Variants in RAP1A observed in about 807,000 individuals in gnomAD.
RAP1A encodes the protein ras-related protein Rap-1A.
In RAP1A, 6 loss-of-function variants were observed where a neutral mutation model predicts 26.4. The observed-to-expected ratio is 0.23, with a 90% CI of 0.12 to 0.45. The LOEUF is 0.45. RAP1A is among the 20% of genes least tolerant of loss of function. The pLI, the probability that RAP1A is intolerant of heterozygous loss-of-function variation, is 0.99. For missense variants in RAP1A, 121 were observed against 217.2 expected, an observed-to-expected ratio of 0.56 and a Z score of 2.78; for synonymous variants, 73 against 79.4, an observed-to-expected ratio of 0.92 and a Z score of 0.43.
At chr1:111,570,726 A>C (rs1658032860) in intron 1 of RAP1A, among the ~76,000 whole-genome samples, 2 of 152,198 alleles carry the variant, frequency 1.3e-5, no homozygotes, top group Non-Finnish European at 2.9e-5. Flanking sequence ...GCAAACATGT[A>C]TGAAGAGAGA....
chr1:111,693,323 A>G (rs570849964), intron 2 of RAP1A, among the ~76,000 whole-genome samples: 2 of 152,278 alleles, frequency 1.3e-5, no homozygotes, highest in African/African-American at 2.4e-5. Context: ...GAGAGGGGAC[A>G]GAGAATGGGG....
At chr1:111,620,673 C>T (rs1200623319) in intron 1 of RAP1A, among the ~76,000 whole-genome samples, 5 of 152,202 alleles carry the variant, frequency 3.3e-5, no homozygotes. Flanking sequence ...CCGTAGCTTA[C>T]CATGTGTTCG....
chr1:111,710,162 C>T (rs918354842), intron 7 of RAP1A, among the ~76,000 whole-genome samples: 1 of 152,124 alleles, frequency 6.6e-6, no homozygotes, highest in Non-Finnish European at 1.5e-5. Context: ...TTAACTTGAC[C>T]CATTCCAGGA....
At chr1:111,622,167 C>T (rs1659231442) in intron 1 of RAP1A, among the ~76,000 whole-genome samples, 1 of 152,122 alleles carries the variant, frequency 6.6e-6, no homozygotes, top group Non-Finnish European at 1.5e-5. Context: ...CACTCTTGCC[C>T]CTCCACCCCA....
intron 1 of RAP1A, among the ~76,000 whole-genome samples, chr1:111,546,436 A>G (rs572014435): frequency 6.6e-6 from 1 of 152,196 alleles, no homozygotes; most frequent in African/African-American, 2.4e-5. Flanking sequence ...TTCCTCTCCC[A>G]GCCTTTGGGA....
intron 1 of RAP1A, among the ~76,000 whole-genome samples, chr1:111,624,264 ATATT>A (rs778760080): frequency 7.9e-5 from 12 of 152,224 alleles, no homozygotes; most frequent in Non-Finnish European, 1.5e-4. Context: ...TTAAACAAAA[ATATT>A]TAAGCTTTAG....
chr1:111,584,903 C>T (rs970213650), intron 1 of RAP1A, among the ~76,000 whole-genome samples: 7 of 152,176 alleles, frequency 4.6e-5, no homozygotes, highest in Admixed American at 4.6e-4. Flanking sequence ...AAAAATCTCA[C>T]TACAAGAGTC....
intron 1 of RAP1A, among the ~76,000 whole-genome samples, chr1:111,577,207 A>G (rs1422692735): frequency 6.6e-6 from 1 of 152,054 alleles, no homozygotes; most frequent in Non-Finnish European, 1.5e-5. Context: ...ATTTGAGACC[A>G]GCCTGGTCAA....
At position 111,602,284 on chromosome 1, in the gene RAP1A, G is replaced by A. The variant is rs191342038; in HGVS notation, c.-28+59775G>A. 9 of 152,260 alleles carry A rather than the reference G, an allele frequency of 5.9e-5. No individual in the cohort carries two copies. The East Asian group carries it at 1.5e-3, about 26-fold the overall frequency. The allele number at this position is 152,260 out of a possible 1,614,324, so 9.4% of individuals were successfully genotyped here. The stretch of plus-strand genomic sequence containing the variant: ...CAGCAGGATAACAGGAAAGAAAGAG[G>A]ATTTTGGAGTCAGGAAGCTCTGGCT... On this transcript the variant is annotated intron_variant, in intron 1 of 7. Transcript: ENST00000356415.
rs768440514 is a variant in RAP1A, at chr1:111,704,407, A to G, written c.389A>G (p.Gln130Arg). ...GATGAGCGAGTAGTTGGCAAAGAGC[A>G]GGGCCAGAATTTAGCAAGACAGTGG... ...LEDERVVGKEQGQNLARQWCN... is the reference protein window; with the variant it reads ...LEDERVVGKERGQNLARQWCN... Residue 130 changes from glutamine to arginine, a missense_variant, in exon 6 of 8, where the codon CAG (glutamine) becomes CGG (arginine). Physicochemically the swap from Gln to Arg is conservative, Grantham distance 43 (BLOSUM62 1). Coordinates refer to ENST00000369709, the MANE Select transcript of RAP1A (RefSeq NM_002884.4). The G allele has an allele frequency of 2.1e-5, 34 of 1,613,856 alleles. No homozygotes were observed. Among genetic ancestry groups the G allele is most frequent in the Non-Finnish European group, 2.8e-5 (33 of 1,179,914 alleles).
chr1:111,560,806 TGATC>T (rs1438812630), intron 1 of RAP1A, among the ~76,000 whole-genome samples: 2 of 152,272 alleles, frequency 1.3e-5, no homozygotes, highest in South Asian at 2.1e-4. Context: ...AAATAGTTCT[TGATC>T]GTCTTAGAGA....
intron 1 of RAP1A, among the ~76,000 whole-genome samples, chr1:111,582,254 G>A (rs1658271631): frequency 6.6e-6 from 1 of 152,148 alleles, no homozygotes. Context: ...TGAAATAAAT[G>A]GCACAGGGCA....
intron 1 of RAP1A, among the ~76,000 whole-genome samples, chr1:111,610,533 AACACACACACACACACACAC>A (rs71099922): frequency 9.9e-5 from 14 of 141,794 alleles, no homozygotes; most frequent in South Asian, 7.1e-4. Context: ...CCCTCCACCC[AACACACACACACACACACAC>A]ACACACACAC....
At chr1:111,548,002 C>G (rs188236798) in intron 1 of RAP1A, among the ~76,000 whole-genome samples, 1 of 152,262 alleles carries the variant, frequency 6.6e-6, no homozygotes, top group Non-Finnish European at 1.5e-5. Context: ...TTGACTGGAC[C>G]ACTTTTTTTG....
chr1:111,610,533 AACACACACACACACACACACAC>A lies in RAP1A; in HGVS notation c.-28+68051_-28+68072del, dbSNP rs71099922. Among the ~76,000 whole-genome samples the A allele has an allele frequency of 7.8e-5, 11 of 141,906 alleles. No homozygotes were observed. In the East Asian group the frequency reaches 1.1e-3, roughly 14 times the overall value. 93.1% of individuals were successfully genotyped at this position (141,906 alleles called of 152,430 possible). ...CCTATTCCACTACTTCCCTCCACCC[AACACACACACACACACACACAC>A]ACACACACACACACACACACACACA... is the stretch of plus-strand genomic sequence containing the variant. On this transcript the variant is annotated intron_variant, in intron 1 of 7. Coordinates refer to the RAP1A transcript ENST00000356415.
At chr1:111,555,024 G>A (rs1657424288) in intron 1 of RAP1A, among the ~76,000 whole-genome samples, 2 of 151,688 alleles carry the variant, frequency 1.3e-5, no homozygotes, top group South Asian at 2.1e-4. Flanking sequence ...ACATTTAAAA[G>A]TAAGAGAACT....
chr1:111,635,264 A>G (rs1659693208), intron 1 of RAP1A, among the ~76,000 whole-genome samples: 1 of 152,210 alleles, frequency 6.6e-6, no homozygotes, highest in Non-Finnish European at 1.5e-5. Flanking sequence ...GTTACGTCAT[A>G]TGCTGTTTTA....
chr1:111,581,412 C>A (rs1658256243), intron 1 of RAP1A, among the ~76,000 whole-genome samples: 1 of 152,004 alleles, frequency 6.6e-6, no homozygotes, highest in Non-Finnish European at 1.5e-5. Context: ...GAGTTGTTAC[C>A]AGCATCTGCT....
At chr1:111,559,446 C>T (rs1657643497) in intron 1 of RAP1A, among the ~76,000 whole-genome samples, 1 of 152,132 alleles carries the variant, frequency 6.6e-6, no homozygotes, top group Admixed American at 6.5e-5. Context: ...TGGAAGTCAG[C>T]ATAATACTGG....
Sources: allele counts gnomAD v4.1 joint callset (sites outside exome capture counted in the v4.1 genomes callset), GRCh38; gene constraint gnomAD v4.1.1; transcripts MANE v1.5; gene names NCBI Gene and HGNC (gene_info 2026-07-23, HGNC 2026-07-21).